Variants in LHPP observed in about 807,000 individuals in gnomAD.
LHPP encodes hLHPP.
A neutral mutation model predicts 30.3 loss-of-function variants in LHPP; 24 were observed. The observed-to-expected ratio is 0.79, with a 90% CI of 0.57 to 1.11. The LOEUF is 1.11. Ranked by LOEUF, LHPP falls within the 50% of genes most tolerant of loss-of-function variation. The pLI is 0.00. For missense variants in LHPP, 356 were observed against 367.2 expected (o/e 0.97, Z 0.25); for synonymous variants, 150 against 157.1 (o/e 0.95, Z 0.34).
At chr10:124,577,203 C>A (rs1381430393) in intron 6 of LHPP, among the ~76,000 whole-genome samples, 3 of 152,126 alleles carry the variant, frequency 2.0e-5, no homozygotes, top group Non-Finnish European at 4.4e-5. Flanking sequence ...AGCTTGTGCT[C>A]CCGACCGCCA....
intron 6 of LHPP, among the ~76,000 whole-genome samples, chr10:124,538,340 C>T (rs1328970053): frequency 1.3e-5 from 2 of 152,220 alleles, no homozygotes; most frequent in African/African-American, 4.8e-5. Flanking sequence ...CTTTCCACTT[C>T]CTGGCAGTGA....
In LHPP at chr10:124,592,057, ATTAG is replaced by A. The variant is rs748521478; in HGVS notation, c.717-21202_717-21199del. 2.0e-4 allele frequency among the ~76,000 whole-genome samples: 31 copies of A among 152,184 alleles called. No individual in the cohort carries two copies. Among genetic ancestry groups the A allele is most frequent in the Non-Finnish European group, 4.3e-4 (29 of 68,042 alleles). ...TTATATGGACAAATAAGCAAGTAAA[ATTAG>A]TTAGGAAATCAAATATTGGGGTTGG... On this transcript the variant is annotated intron_variant, in intron 6 of 6. Transcript: ENST00000368842. The surrounding 1 kb of genome is among the most constrained non-coding windows in gnomAD (Gnocchi z 6.2).
chr10:124,582,816 G>A (rs1320103789), intron 6 of LHPP, among the ~76,000 whole-genome samples: 2 of 151,546 alleles, frequency 1.3e-5, no homozygotes, highest in Non-Finnish European at 2.9e-5. Flanking sequence ...ACCAGCCTGG[G>A]CAACATGGTG....
At chr10:124,528,469 C>T (rs1207318270) in intron 6 of LHPP, among the ~76,000 whole-genome samples, 1 of 152,184 alleles carries the variant, frequency 6.6e-6, no homozygotes, top group Non-Finnish European at 1.5e-5. Context: ...AGGGATTCTC[C>T]TGCCTCAGCC....
At chr10:124,575,890 G>A (rs1232316959) in intron 6 of LHPP, among the ~76,000 whole-genome samples, 1 of 152,356 alleles carries the variant, frequency 6.6e-6, no homozygotes, top group South Asian at 2.1e-4. Context: ...GGGGCATGAG[G>A]TGCCTGGACG....
chr10:124,601,424 C>T (rs1949018892), intron 6 of LHPP, among the ~76,000 whole-genome samples: 1 of 152,208 alleles, frequency 6.6e-6, no homozygotes, highest in Non-Finnish European at 1.5e-5. Context: ...GGGTGAGGGC[C>T]TGAGACAGGC....
chr10:124,594,865 G>A (rs1347835752), intron 6 of LHPP, among the ~76,000 whole-genome samples: 1 of 152,000 alleles, frequency 6.6e-6, no homozygotes, highest in Non-Finnish European at 1.5e-5. Context: ...GCCTGATCTC[G>A]AGTGATCCAC....
intron 2 of LHPP, 44 bp downstream of exon 2, chr10:124,484,370 C>T (rs369551277): frequency 3.9e-5 from 62 of 1,571,696 alleles, no homozygotes; most frequent in African/African-American, 9.5e-5. Context: ...TGAAAGCTCC[C>T]CTTTCCCAGG....
chr10:124,527,735 G>A lies in LHPP; in HGVS notation c.716+10464G>A, dbSNP rs566860578. Among the ~76,000 whole-genome samples the A allele has an allele frequency of 6.6e-5, 10 of 152,208 alleles. No individual in the cohort carries two copies. The South Asian group carries it at 1.7e-3, about 25-fold the overall frequency. On this transcript the variant is annotated intron_variant, in intron 6 of 6. Transcript: ENST00000368842. ...GGTATGAGACCCAGTCCCCTGCCGCGTGCTAACCATGTAACCTTGGACGTG... is the reference window on the plus strand; with the variant it reads ...GGTATGAGACCCAGTCCCCTGCCGCATGCTAACCATGTAACCTTGGACGTG...
At chr10:124,482,333 T>C (rs1953165654) in intron 1 of LHPP, among the ~76,000 whole-genome samples, 1 of 152,180 alleles carries the variant, frequency 6.6e-6, no homozygotes, top group Non-Finnish European at 1.5e-5. Context: ...AAAGAATAGG[T>C]GAAGAGCCAA....
chr10:124,550,874 G>A (rs1007782778), intron 6 of LHPP, among the ~76,000 whole-genome samples: 10 of 152,168 alleles, frequency 6.6e-5, no homozygotes, highest in Non-Finnish European at 1.0e-4. Context: ...CCAAGGTAAC[G>A]TCCAAGCTCT....
intron 2 of LHPP, among the ~76,000 whole-genome samples, chr10:124,488,151 G>A (rs1953397970): frequency 6.6e-6 from 1 of 152,148 alleles, no homozygotes; most frequent in Non-Finnish European, 1.5e-5. Context: ...GTGACCTCAG[G>A]GAGCTCCTGG....
chr10:124,566,486 G>C (rs1948492237), intron 6 of LHPP, among the ~76,000 whole-genome samples: 1 of 152,218 alleles, frequency 6.6e-6, no homozygotes, highest in Non-Finnish European at 1.5e-5. Flanking sequence ...TGGGGTGTTG[G>C]AGCCTGCTTG....
chr10:124,576,323 T>C lies in LHPP; in HGVS notation c.717-36941T>C, dbSNP rs768497824. ...TACTAGTGTGGGGTATGAGGCAGCA[T>C]GTGGGGGCGCTGGGGTGGCAGCAGG... On this transcript the variant is annotated intron_variant, in intron 6 of 6. Coordinates refer to ENST00000368842, the MANE Select transcript of LHPP (RefSeq NM_022126.4). This position sits in a 1 kb window ranked among gnomAD's most constrained non-coding sequence, Gnocchi z 4.2. Among the ~76,000 whole-genome samples the C allele has an allele frequency of 1.3e-5, 2 of 152,086 alleles. No individual in the cohort carries two copies. The highest frequency in any genetic ancestry group is 2.9e-5 in the Non-Finnish European group (2 of 67,980).
At chr10:124,572,703 G>GAGGGAGGGAGAAAGGAGGA (rs1948604940) in intron 6 of LHPP, among the ~76,000 whole-genome samples, 1 of 149,248 alleles carries the variant, frequency 6.7e-6, no homozygotes, top group Non-Finnish European at 1.5e-5. Flanking sequence ...GGAAGGAAGG[G>GAGGGAGGGAGAAAGGAGGA]AGGGAGGGAG....
At chr10:124,591,517 A>G (rs997236943) in intron 6 of LHPP, among the ~76,000 whole-genome samples, 1 of 152,102 alleles carries the variant, frequency 6.6e-6, no homozygotes, top group African/African-American at 2.4e-5. Context: ...CAGGTTTAGG[A>G]CAAAGTCATT....
rs1564767776 is a variant in LHPP at position 124,471,449 on chromosome 10, ATATATTTATATATATT to A, written c.125+9468_125+9483del. 2.9e-3 allele frequency among the ~76,000 whole-genome samples: 7 copies of A among 2,446 alleles called. 1 individual carries two copies. In the East Asian group the frequency reaches 0.15, roughly 51 times the overall value. The allele number at this position is 2,446 out of a possible 152,430, so 1.6% of individuals were successfully genotyped here. A position where few individuals can be genotyped will look rare whatever the true frequency, so the allele number is the denominator to read the frequency against. ...ATATATTTATATATTATATATATTT[ATATATTTATATATATT>A]TATATATTATATATATTTATATATT... On this transcript the variant is annotated intron_variant, in intron 1 of 6. Transcript: ENST00000368842.
At chr10:124,598,072 C>G (rs756933989) in intron 6 of LHPP, among the ~76,000 whole-genome samples, 13 of 152,204 alleles carry the variant, frequency 8.5e-5, no homozygotes, top group South Asian at 2.1e-4. Context: ...CTCCCAGCCC[C>G]AACTCTGAGC....
chr10:124,529,290 C>T (rs1445343818), intron 6 of LHPP, among the ~76,000 whole-genome samples: 1 of 151,426 alleles, frequency 6.6e-6, no homozygotes, highest in Non-Finnish European at 1.5e-5. Flanking sequence ...CCACCTCGGC[C>T]TCCCAAAGTG....
Sources: gnomAD v4.1 joint callset for allele counts (sites outside exome capture counted in the v4.1 genomes callset) on GRCh38, gnomAD v4.1.1 for gene constraint, Gnocchi (gnomAD v3.1) non-coding constraint, MANE v1.5 for transcripts, NCBI Gene and HGNC (gene_info 2026-07-23, HGNC 2026-07-21) for gene names.